The following ZDHHC2 variants were observed in gnomAD, a reference collection of about 807,000 sequenced individuals.
The protein encoded by ZDHHC2 is palmitoyltransferase ZDHHC2.
In ZDHHC2, 51 loss-of-function variants were observed where a neutral mutation model predicts 55.6. That is an observed-to-expected ratio of 0.92 (90% CI 0.73 to 1.16). ZDHHC2 has a LOEUF of 1.16. Among genes scored for constraint, ZDHHC2 ranks in the 50% most tolerant of loss-of-function variants. The pLI is 0.00. For missense variants in ZDHHC2, 491 were observed against 442.4 expected, an observed-to-expected ratio of 1.11 and a Z score of -0.99; for synonymous variants, 199 against 152.9, an observed-to-expected ratio of 1.30 and a Z score of -2.22.
At position 17,200,402 on chromosome 8, in the gene ZDHHC2, C is replaced by A. The variant is rs115119324; in HGVS notation, c.476+1989C>A. ...TGCATCCAAGTTCTTGTCTCAGAGT[C>A]TGCTTTGGGGTAAACCCATGTTAAG... On this transcript the variant is annotated intron_variant, in intron 6 of 12. Transcript: ENST00000262096. Among the ~76,000 whole-genome samples the A allele has an allele frequency of 5.3e-3, 803 of 152,332 alleles. 3 individuals are homozygous for A. The highest frequency in any genetic ancestry group is 0.018 in the African/African-American group (766 of 41,580).
intron 6 of ZDHHC2, among the ~76,000 whole-genome samples, chr8:17,199,488 T>TCTTCG (rs1806522856): frequency 3.1e-5 from 1 of 31,882 alleles, no homozygotes; most frequent in African/African-American, 7.2e-5. Context: ...CTTCTTCTTC[T>TCTTCG]TCTTCTTCTT....
At chr8:17,195,405 T>G (rs1806255172) in intron 3 of ZDHHC2, 99 bp from the exon 4 acceptor site, 1 of 1,347,058 alleles carries the variant, frequency 7.4e-7, no homozygotes, top group African/African-American at 1.5e-5. Flanking sequence ...CAATATACCA[T>G]TAATATTTTA....
intron 1 of ZDHHC2, among the ~76,000 whole-genome samples, chr8:17,174,616 T>C (rs1390385237): frequency 2.0e-5 from 3 of 152,006 alleles, no homozygotes; most frequent in Non-Finnish European, 4.4e-5. Flanking sequence ...ATCTTTTGGG[T>C]CATAACCTAC....
intron 3 of ZDHHC2, among the ~76,000 whole-genome samples, chr8:17,191,863 G>A (rs1806047420): frequency 6.6e-6 from 1 of 152,132 alleles, no homozygotes; most frequent in Admixed American, 6.5e-5. Context: ...TCATATGGTA[G>A]CTCTATTTTT....
At chr8:17,210,519 A>G (rs1563168827) in intron 10 of ZDHHC2, 39 bp downstream of exon 10, 1 of 1,510,318 alleles carries the variant, frequency 6.6e-7, no homozygotes, top group African/African-American at 1.4e-5. Flanking sequence ...TTCAAATAAG[A>G]TATTTTACCA....
chr8:17,157,399 T>A (rs2705217), intron 1 of ZDHHC2: 151,049 of 152,728 alleles, frequency 0.99, 74,721 homozygotes, highest in East Asian at 1. Flanking sequence ...TTTTCTAGTT[T>A]AAAAGGATGT....
chr8:17,218,062 G>A (rs1807729164), intron 12 of ZDHHC2, among the ~76,000 whole-genome samples: 1 of 152,146 alleles, frequency 6.6e-6, no homozygotes. Context: ...TTATTTGTCT[G>A]TTCTGGTTTT....
chr8:17,196,539 G>A (rs1219654116), intron 4 of ZDHHC2, among the ~76,000 whole-genome samples: 3 of 151,500 alleles, frequency 2.0e-5, no homozygotes, highest in African/African-American at 7.3e-5. Context: ...GGGTGACAGA[G>A]TGAGACCCTG....
intron 1 of ZDHHC2, among the ~76,000 whole-genome samples, chr8:17,172,905 A>G (rs554184064): frequency 6.6e-6 from 1 of 152,254 alleles, no homozygotes; most frequent in South Asian, 2.1e-4. Flanking sequence ...TTGAAGTGGG[A>G]TGGTTAGGAA....
chr8:17,184,766 A>G (rs201213087), intron 1 of ZDHHC2, 23 bp from the exon 2 acceptor site: 111 of 1,547,874 alleles, frequency 7.2e-5, no homozygotes, highest in Non-Finnish European at 9.6e-5. Context: ...CATGTAACCT[A>G]TTACCTTTTT....
At chr8:17,213,830 A>G (rs868484512) in intron 10 of ZDHHC2, among the ~76,000 whole-genome samples, 21 of 152,158 alleles carry the variant, frequency 1.4e-4, no homozygotes, top group African/African-American at 4.8e-4. Context: ...TTTCTTGAAG[A>G]AGAATAAGAA....
intron 1 of ZDHHC2, among the ~76,000 whole-genome samples, chr8:17,173,049 AC>A (rs763347010): frequency 6.6e-6 from 1 of 152,166 alleles, no homozygotes; most frequent in East Asian, 1.9e-4. Flanking sequence ...GACATTTTAA[AC>A]CCTACTTTCT....
intron 1 of ZDHHC2, among the ~76,000 whole-genome samples, chr8:17,159,688 G>A (rs1219617715): frequency 6.6e-6 from 1 of 152,152 alleles, no homozygotes; most frequent in Non-Finnish European, 1.5e-5. Context: ...AAATATATGG[G>A]ATGTACATAT....
chr8:17,197,721 C>T (rs1337532828), intron 5 of ZDHHC2, 70 bp downstream of exon 5: 3 of 1,455,734 alleles, frequency 2.1e-6, no homozygotes, highest in African/African-American at 2.8e-5. Flanking sequence ...TTTCTTTTCT[C>T]ACTGTTTTCC....
At chr8:17,169,857 A>AT (rs971075040) in intron 1 of ZDHHC2, among the ~76,000 whole-genome samples, 6 of 151,620 alleles carry the variant, frequency 4.0e-5, no homozygotes, top group Middle Eastern at 3.2e-3. Context: ...TCCTTGCATA[A>AT]TTTTTTTTTA....
intron 3 of ZDHHC2, among the ~76,000 whole-genome samples, chr8:17,194,174 G>T (rs77427490): frequency 1.3e-5 from 2 of 152,014 alleles, no homozygotes; most frequent in African/African-American, 2.4e-5. Flanking sequence ...TCATTGATGG[G>T]CATTTGGGTT....
chr8:17,221,915 G>C lies in ZDHHC2; in HGVS notation c.*1694G>C, dbSNP rs1325009191. The C allele has an allele frequency of 6.7e-6, 1 of 150,100 alleles. No individual in the cohort carries two copies. The highest frequency in any genetic ancestry group is 1.5e-5 in the Non-Finnish European group (1 of 67,622). 9.3% of individuals were successfully genotyped at this position (150,100 alleles called of 1,614,324 possible). A position where few individuals can be genotyped will look rare whatever the true frequency, so the allele number is the denominator to read the frequency against. On this transcript the variant is annotated 3_prime_UTR_variant, in exon 13 of 13. Transcript: ENST00000262096. ...TGCCAGACCGGAACCTATAGCTACT[G>C]CTAGAAGTCTTAAAAAAACCAACAG... is the stretch of plus-strand genomic sequence containing the variant.
chr8:17,182,901 C>T (rs1358523757), intron 1 of ZDHHC2, among the ~76,000 whole-genome samples: 4 of 152,106 alleles, frequency 2.6e-5, no homozygotes, highest in African/African-American at 9.7e-5. Flanking sequence ...GCTGGGATTA[C>T]AGGCGCGTGT....
intron 1 of ZDHHC2, 62 bp from the exon 2 acceptor site, chr8:17,184,727 C>G: frequency 1.4e-6 from 2 of 1,395,034 alleles, no homozygotes; most frequent in East Asian, 5.0e-5. Context: ...TGCCTTATGT[C>G]TGTGTCAAGC....
Sources: gnomAD v4.1 joint callset for allele counts (sites outside exome capture counted in the v4.1 genomes callset) on GRCh38, gnomAD v4.1.1 for gene constraint, MANE v1.5 for transcripts, NCBI Gene and HGNC (gene_info 2026-07-23, HGNC 2026-07-21) for gene names.